Variants in SEMA3D observed in about 807,000 individuals in gnomAD.
SEMA3D encodes semaphorin-3D.
A neutral mutation model predicts 100.1 loss-of-function variants in SEMA3D; 84 were observed. The observed-to-expected ratio is 0.84, with a 90% CI of 0.70 to 1.01. The LOEUF is 1.01. Ranked by LOEUF, SEMA3D falls within the 50% of genes least tolerant of loss-of-function variation. The pLI, the probability that SEMA3D is intolerant of heterozygous loss-of-function variation, is 0.00. For missense variants in SEMA3D, 875 were observed against 934.1 expected, an observed-to-expected ratio of 0.94 and a Z score of 0.82; for synonymous variants, 312 against 320.7, an observed-to-expected ratio of 0.97 and a Z score of 0.29.
chr7:85,016,574 A>G (rs1312324712), intron 15 of SEMA3D, among the ~76,000 whole-genome samples: 1 of 151,554 alleles, frequency 6.6e-6, no homozygotes, highest in African/African-American at 2.4e-5. Context: ...ACTTTGTTTC[A>G]GTCCTTATCA....
At chr7:85,241,747 C>T in the SEMA3D span, among the ~76,000 whole-genome samples, 1 of 150,844 alleles carries the variant, frequency 6.6e-6, no homozygotes, top group Non-Finnish European at 1.5e-5. Flanking sequence ...GATGGGTGCA[C>T]CAAAATCTCA....
intron 2 of SEMA3D, chr7:85,141,128 G>T (rs1269375446): frequency 1.0e-6 from 1 of 983,832 alleles, no homozygotes; most frequent in Non-Finnish European, 1.2e-6. Flanking sequence ...TTTTATAGGT[G>T]ATTTGTCCAA....
chr7:85,057,172 C>G lies in SEMA3D; in HGVS notation c.719-1313G>C, dbSNP rs116393740. ...TAAAAATGTTTGCAATATGATGAAC[C>G]TCTTTTCACTGTATCACTGAAAAAT... On this transcript the variant is annotated intron_variant, in intron 8 of 18. Coordinates refer to ENST00000284136, the MANE Select transcript of SEMA3D (RefSeq NM_001384900.1). 5.7e-3 allele frequency among the ~76,000 whole-genome samples: 861 copies of G among 152,010 alleles called. 12 individuals are homozygous for G. The highest frequency in any genetic ancestry group is 0.019 in the African/African-American group (782 of 41,496).
intron 12 of SEMA3D, among the ~76,000 whole-genome samples, chr7:85,033,390 T>C (rs767142586): frequency 1.8e-4 from 27 of 152,162 alleles, no homozygotes; most frequent in Non-Finnish European, 3.2e-4. Context: ...AAAACGTGAG[T>C]TCTCTTTAAG....
At chr7:85,081,092 T>C (rs906833523) in intron 5 of SEMA3D, among the ~76,000 whole-genome samples, 4 of 152,198 alleles carry the variant, frequency 2.6e-5, no homozygotes, top group Admixed American at 2.0e-4. Flanking sequence ...TTAAGTTTAA[T>C]TTGAACTCAG....
rs1288867752 is a variant in SEMA3D at position 85,065,532 on chromosome 7, T to C, written c.610A>G (p.Thr204Ala). 4 of 1,612,990 alleles carry C rather than the reference T, an allele frequency of 2.5e-6. No homozygotes were observed. In the African/African-American group the frequency reaches 5.3e-5, roughly 22 times the overall value. The change falls in exon 8 of 19, where the codon ACA (threonine) becomes GCA (alanine). Residue 204 changes from threonine to alanine, a missense_variant. Physicochemically the swap from Thr to Ala is moderately conservative, Grantham distance 58. Coordinates refer to ENST00000284136, the MANE Select transcript of SEMA3D (RefSeq NM_001384900.1). The stretch of plus-strand genomic sequence containing the variant: ...TCTTTGCCAAGGAAATCAGAAGCTG[T>C]TCCAGAGTAGAGGTACTCATCTGAG... ...VMTDEYLYSG[T>A]ASDFLGKDTA...
At chr7:85,062,276 G>A (rs1391125003) in intron 8 of SEMA3D, among the ~76,000 whole-genome samples, 1 of 152,138 alleles carries the variant, frequency 6.6e-6, no homozygotes, top group African/African-American at 2.4e-5. Context: ...GATAGGACTA[G>A]CATGGATATT....
intron 9 of SEMA3D, among the ~76,000 whole-genome samples, chr7:85,053,300 G>A (rs912799399): frequency 6.6e-6 from 1 of 151,810 alleles, no homozygotes; most frequent in Non-Finnish European, 1.5e-5. Context: ...ATCTTTACTT[G>A]TATCTACTGA....
chr7:85,240,604 G>T, the SEMA3D span, among the ~76,000 whole-genome samples: 9 of 152,100 alleles, frequency 5.9e-5, no homozygotes, highest in Admixed American at 4.6e-4. Flanking sequence ...GAATTCACTA[G>T]TGAACATATC....
chr7:85,016,601 C>T (rs1790110097), intron 15 of SEMA3D, among the ~76,000 whole-genome samples: 1 of 151,696 alleles, frequency 6.6e-6, no homozygotes, highest in Non-Finnish European at 1.5e-5. Context: ...TCCTGGATTA[C>T]TTGTAAGTGT....
intron 2 of SEMA3D, chr7:85,151,612 TG>T: frequency 2.1e-6 from 2 of 966,682 alleles, no homozygotes; most frequent in Non-Finnish European, 2.5e-6. Context: ...TGTGTGTGTG[TG>T]TGTGTGTGTG....
chr7:85,108,773 A>G (rs1789004704), intron 3 of SEMA3D, among the ~76,000 whole-genome samples: 1 of 151,990 alleles, frequency 6.6e-6, no homozygotes, highest in Non-Finnish European at 1.5e-5. Flanking sequence ...TTTTTCTGTT[A>G]CAATTCTAAA....
chr7:85,073,638 C>T (rs1448490384), intron 5 of SEMA3D, among the ~76,000 whole-genome samples: 7 of 152,170 alleles, frequency 4.6e-5, no homozygotes, highest in Non-Finnish European at 8.8e-5. Context: ...ATAGTTACTA[C>T]TGTTTGCAAT....
intron 2 of SEMA3D, among the ~76,000 whole-genome samples, chr7:85,136,242 C>T (rs1203013749): frequency 6.6e-6 from 1 of 152,108 alleles, no homozygotes; most frequent in Non-Finnish European, 1.5e-5. Context: ...CTATCCTTGG[C>T]ACTTCAATAA....
chr7:85,052,479 C>A (rs1435027791), intron 9 of SEMA3D, among the ~76,000 whole-genome samples: 1 of 151,684 alleles, frequency 6.6e-6, no homozygotes, highest in Non-Finnish European at 1.5e-5. Context: ...AAACCAAAAC[C>A]AAAACAAAAA....
chr7:85,107,397 C>T (rs1183559976), intron 3 of SEMA3D, among the ~76,000 whole-genome samples: 1 of 152,048 alleles, frequency 6.6e-6, no homozygotes, highest in Non-Finnish European at 1.5e-5. Flanking sequence ...TTAAAAATAT[C>T]ATCATGTAAT....
chr7:85,204,373 T>C, the SEMA3D span, among the ~76,000 whole-genome samples: 1 of 150,458 alleles, frequency 6.6e-6, no homozygotes. Context: ...CACCAGACTG[T>C]TGCCACTTAA....
Position 85,161,514 on chromosome 7 carries a change from G to A in SEMA3D, c.-172-7775C>T, listed in dbSNP as rs1790743993. Among the ~76,000 whole-genome samples, 5 of 152,156 alleles carry A rather than the reference G, an allele frequency of 3.3e-5. No individual in the cohort carries two copies. In the South Asian group the frequency reaches 1.0e-3, roughly 32 times the overall value. The stretch of plus-strand genomic sequence containing the variant: ...ACCCAGGCACCCATGGCCTCTGGAG[G>A]GGCAAAGAAGACAGGGCTGGAACTG... On this transcript the variant is annotated intron_variant, in intron 1 of 18. Coordinates refer to ENST00000284136, the MANE Select transcript of SEMA3D (RefSeq NM_001384900.1).
intron 2 of SEMA3D, among the ~76,000 whole-genome samples, chr7:85,122,877 C>A (rs1789466881): frequency 6.6e-6 from 1 of 152,126 alleles, no homozygotes; most frequent in African/African-American, 2.4e-5. Flanking sequence ...AATAGGCTAA[C>A]TTGGTTGTTT....
Sources: gnomAD v4.1 joint callset for allele counts (sites outside exome capture counted in the v4.1 genomes callset) on GRCh38, gnomAD v4.1.1 for gene constraint, MANE v1.5 for transcripts, NCBI Gene and HGNC (gene_info 2026-07-23, HGNC 2026-07-21) for gene names.